SLC2A9: variants seen among roughly 807,000 people sequenced by gnomAD.
The protein encoded by SLC2A9 is solute carrier family 2, facilitated glucose transporter member 9.
Under a neutral mutation model 50.6 loss-of-function variants are expected in SLC2A9, and 39 were observed. That is an observed-to-expected ratio of 0.77 (90% confidence interval 0.60 to 1.01). The LOEUF (loss-of-function observed/expected upper bound fraction) is 1.01. SLC2A9 is among the 50% of genes least tolerant of loss of function. The probability of loss-of-function intolerance (pLI) is 0.00; values close to 1 mark genes in which losing one functional copy is unlikely to be tolerated. For synonymous variants in SLC2A9, 324 were observed against 276.9 expected, an observed-to-expected ratio of 1.17 and a Z score of -1.69; for missense variants, 686 against 677.6, an observed-to-expected ratio of 1.01 and a Z score of -0.14.
At chr4:9,846,809 ATATT>A (rs1248319964) in intron 10 of SLC2A9, among the ~76,000 whole-genome samples, 5 of 152,186 alleles carry the variant, frequency 3.3e-5, no homozygotes, top group Non-Finnish European at 4.4e-5. Flanking sequence ...TCCTTAATTC[ATATT>A]TATTAAAATT....
At chr4:9,853,134 C>T (rs1229293647) in intron 10 of SLC2A9, among the ~76,000 whole-genome samples, 1 of 150,630 alleles carries the variant, frequency 6.6e-6, no homozygotes, top group African/African-American at 2.5e-5. Flanking sequence ...CGAGATTGTG[C>T]CACTGCACTC....
chr4:9,938,562 C>T (rs989127561), intron 6 of SLC2A9, among the ~76,000 whole-genome samples: 3 of 152,128 alleles, frequency 2.0e-5, no homozygotes, highest in South Asian at 2.1e-4. Context: ...TGAGCCACTG[C>T]GCCTGGCCGA....
chr4:9,939,890 T>C (rs1747818224), intron 6 of SLC2A9, among the ~76,000 whole-genome samples: 1 of 152,210 alleles, frequency 6.6e-6, no homozygotes, highest in Non-Finnish European at 1.5e-5. Flanking sequence ...AGCACTTTTA[T>C]AGGTACAGAT....
At chr4:9,993,155 T>A (rs1024736515) in intron 3 of SLC2A9, among the ~76,000 whole-genome samples, 4 of 152,230 alleles carry the variant, frequency 2.6e-5, no homozygotes, top group African/African-American at 9.6e-5. Flanking sequence ...TAGATGAATA[T>A]GGTTACGTGG....
intron 8 of SLC2A9, among the ~76,000 whole-genome samples, chr4:9,893,408 C>T (rs1007514643): frequency 5.6e-5 from 8 of 143,044 alleles, no homozygotes; most frequent in Non-Finnish European, 1.1e-4. Flanking sequence ...AGGGGGAGGG[C>T]GGGGAGGGCA....
intron 5 of SLC2A9, among the ~76,000 whole-genome samples, chr4:9,961,498 C>T (rs1472170218): frequency 6.6e-6 from 1 of 152,144 alleles, no homozygotes; most frequent in African/African-American, 2.4e-5. Flanking sequence ...ACTGGTTAGC[C>T]ATAGACAGAA....
chr4:10,024,198 G>A (rs750389864), upstream of SLC2A9, among the ~76,000 whole-genome samples: 1 of 151,346 alleles, frequency 6.6e-6, no homozygotes, highest in Non-Finnish European at 1.5e-5. Context: ...CCCTCTGCAC[G>A]TGTGCTGCTG....
intron 5 of SLC2A9, among the ~76,000 whole-genome samples, chr4:9,964,229 C>T (rs1256767815): frequency 6.6e-6 from 1 of 150,970 alleles, no homozygotes; most frequent in Non-Finnish European, 1.5e-5. Flanking sequence ...CTTGGTTCAA[C>T]AGGGATTGGC....
intron 10 of SLC2A9, among the ~76,000 whole-genome samples, chr4:9,836,282 C>A (rs906853616): frequency 6.7e-6 from 1 of 149,412 alleles, no homozygotes; most frequent in African/African-American, 2.5e-5. Context: ...ACCACCTGTT[C>A]CCCAAAAAAC....
intron 6 of SLC2A9, among the ~76,000 whole-genome samples, chr4:9,930,448 T>C (rs1356444937): frequency 6.6e-6 from 1 of 152,116 alleles, no homozygotes; most frequent in African/African-American, 2.4e-5. Flanking sequence ...TAGTGCAGTG[T>C]TGGGGGTGTG....
chr4:10,029,865 A>G (rs1323280562), intron 1 of SLC2A9, among the ~76,000 whole-genome samples: 1 of 151,844 alleles, frequency 6.6e-6, no homozygotes, highest in African/African-American at 2.4e-5. Context: ...GGAACTCCTG[A>G]CCTCAGGTGA....
At chr4:9,803,320 A>G (rs947735870) in intron 3 of SLC2A9, among the ~76,000 whole-genome samples, 2 of 152,264 alleles carry the variant, frequency 1.3e-5, no homozygotes, top group African/African-American at 2.4e-5. Flanking sequence ...GATATACGGC[A>G]CTTTGTGCCT....
intron 10 of SLC2A9, among the ~76,000 whole-genome samples, chr4:9,861,560 C>G (rs1731653734): frequency 6.6e-6 from 1 of 152,132 alleles, no homozygotes; most frequent in Non-Finnish European, 1.5e-5. Flanking sequence ...ATGTCCATTC[C>G]TTGAGGGCAG....
intron 3 of SLC2A9, among the ~76,000 whole-genome samples, chr4:9,820,718 T>A (rs1049314988): frequency 2.6e-5 from 4 of 152,308 alleles, no homozygotes; most frequent in Admixed American, 6.5e-5. Flanking sequence ...AAGAGCAACT[T>A]TTTTATGTTT....
chr4:9,835,947 C>G (rs1427268796), intron 10 of SLC2A9, among the ~76,000 whole-genome samples: 1 of 151,620 alleles, frequency 6.6e-6, no homozygotes, highest in Non-Finnish European at 1.5e-5. Context: ...ATTAGCTGGG[C>G]GTGGTGGTGC....
At chr4:9,868,114 C>G (rs62293270) in intron 10 of SLC2A9, among the ~76,000 whole-genome samples, 18,654 of 152,268 alleles carry the variant, frequency 0.12, 1,352 homozygotes, top group African/African-American at 0.18. Flanking sequence ...GGGATAGTCC[C>G]ATGCCCTCCT....
chr4:9,786,156 A>G (rs2108867354), intron 3 of SLC2A9, among the ~76,000 whole-genome samples: 1 of 152,334 alleles, frequency 6.6e-6, no homozygotes, highest in East Asian at 1.9e-4. Flanking sequence ...TGCAGCAGGC[A>G]TGATGGAGAC....
At chr4:9,796,904 C>A (rs1438022804), downstream of SLC2A9, among the ~76,000 whole-genome samples, 1 of 152,126 alleles carries the variant, frequency 6.6e-6, no homozygotes, top group Non-Finnish European at 1.5e-5. Flanking sequence ...CACTCACATT[C>A]CATTAGCTGA....
At chr4:10,001,025 G>T (rs1373045170) in intron 2 of SLC2A9, among the ~76,000 whole-genome samples, 1 of 152,106 alleles carries the variant, frequency 6.6e-6, no homozygotes, top group East Asian at 1.9e-4. Flanking sequence ...CTCAGAATGG[G>T]TCCTTATTTG....
Sources: gnomAD v4.1 joint callset for allele counts (sites outside exome capture counted in the v4.1 genomes callset) on GRCh38, gnomAD v4.1.1 for gene constraint, MANE v1.5 for transcripts, NCBI Gene and HGNC (gene_info 2026-07-23, HGNC 2026-07-21) for gene names.